ABCG2: variants seen among roughly 807,000 people sequenced by gnomAD.
ABCG2 encodes the protein ATP binding cassette subfamily G member 2 (JR blood group).
Under a neutral mutation model 73.5 loss-of-function variants are expected in ABCG2, and 80 were observed. The ratio of observed to expected loss-of-function variants is 1.09; its 90% CI spans 0.91 to 1.31. The LOEUF is 1.31. Among genes scored for constraint, ABCG2 ranks in the 50% most tolerant of loss-of-function variants. The pLI is 0.00. For missense variants in ABCG2, 796 were observed against 786.2 expected, an observed-to-expected ratio of 1.01 and a Z score of -0.15; for synonymous variants, 269 against 282.4, an observed-to-expected ratio of 0.95 and a Z score of 0.48.
At chr4:88,119,214 C>A (rs913355128) in intron 6 of ABCG2, among the ~76,000 whole-genome samples, 2 of 152,208 alleles carry the variant, frequency 1.3e-5, no homozygotes, top group East Asian at 3.8e-4. Context: ...GCCTTTTCTT[C>A]TTTGCCTTCC....
In ABCG2 at chr4:88,113,315, G is replaced by A; in HGVS notation, c.1182C>T (p.Ala394=). The A allele has an allele frequency of 1.2e-6, 2 of 1,614,070 alleles. No individual in the cohort carries two copies. Among genetic ancestry groups the A allele is most frequent in the Non-Finnish European group, 1.7e-6 (2 of 1,180,002 alleles). ...SFKNLLGNPQ[A]SIAQIIVTVV... is the part of the protein sequence containing the mutation. The stretch of plus-strand genomic sequence containing the variant: ...ATCTGCTGGTTACCTGAGCTATAGA[G>A]GCCTGGGGATTACCCAGCAAGTTTT... The change falls in exon 9 of 16, where the codon GCC becomes GCT. Residue 394 remains alanine (A), a synonymous_variant. Coordinates refer to ENST00000237612, the MANE Select transcript of ABCG2 (RefSeq NM_004827.3).
chr4:88,146,909 AGG>A, intron 1 of ABCG2, among the ~76,000 whole-genome samples: 1 of 134,192 alleles, frequency 7.5e-6, no homozygotes, highest in South Asian at 3.0e-4. Context: ...GAAGGAAGGA[AGG>A]AAGGAAGGAA....
chr4:88,111,399 G>A (rs934909086), intron 9 of ABCG2, among the ~76,000 whole-genome samples: 4 of 152,008 alleles, frequency 2.6e-5, no homozygotes, highest in African/African-American at 4.8e-5. Context: ...CAAATTATAC[G>A]TACCAAAAAC....
rs780882958 is a variant in ABCG2 at position 88,113,559 on chromosome 4, C to T, written c.944-6G>A. The T allele has an allele frequency of 1.2e-6, 2 of 1,606,794 alleles. No homozygotes were observed. Among genetic ancestry groups the T allele is most frequent in the Middle Eastern group, 1.7e-4 (1 of 6,030 alleles). On this transcript the variant is annotated splice_polypyrimidine_tract_variant and splice_region_variant and intron_variant, in intron 8 of 15. Coordinates refer to ENST00000237612, the MANE Select transcript of ABCG2 (RefSeq NM_004827.3). ...AGGCTCTATGATCTCTGTGGCTTTG[C>T]AATCAGTGGATAAAAAGGAAACACA... is the stretch of plus-strand genomic sequence containing the variant.
At chr4:88,166,026 G>A (rs918034481) in intron 1 of ABCG2, among the ~76,000 whole-genome samples, 2 of 152,160 alleles carry the variant, frequency 1.3e-5, no homozygotes, top group African/African-American at 2.4e-5. Context: ...TCACCACAAG[G>A]CCCCAAGGAA....
At chr4:88,207,629 C>T (rs994654454) in intron 1 of ABCG2, among the ~76,000 whole-genome samples, 2 of 152,170 alleles carry the variant, frequency 1.3e-5, no homozygotes, top group East Asian at 1.9e-4. Flanking sequence ...ACTGCAGCCT[C>T]GAACTCCTGC....
intron 9 of ABCG2, among the ~76,000 whole-genome samples, chr4:88,109,472 T>C (rs1722986227): frequency 6.6e-6 from 1 of 152,204 alleles, no homozygotes; most frequent in Admixed American, 6.5e-5. Context: ...CCCGTAACCT[T>C]GGCATGCTTT....
chr4:88,115,256 C>CTCTCTCTCTCTCTCTCTCTCTCTATATA lies in ABCG2; in HGVS notation c.842-199_842-198insTATATAGAGAGAGAGAGAGAGAGAGAGA, dbSNP rs1309360818. On this transcript the variant is annotated intron_variant, in intron 7 of 15. Coordinates refer to ENST00000237612, the MANE Select transcript of ABCG2 (RefSeq NM_004827.3). ...AGTCTCTCTCTCTCTCTCTCTCTCT[C>CTCTCTCTCTCTCTCTCTCTCTCTATATA]TATATATATATATATATATATATAT... Among the ~76,000 whole-genome samples, 101 of 69,790 alleles carry CTCTCTCTCTCTCTCTCTCTCTCTATATA rather than the reference C, an allele frequency of 1.4e-3. 1 individual carries two copies. Among genetic ancestry groups the CTCTCTCTCTCTCTCTCTCTCTCTATATA allele is most frequent in the African/African-American group, 2.8e-3 (50 of 17,704 alleles). 45.8% of individuals were successfully genotyped at this position (69,790 alleles called of 152,430 possible). A position where few individuals can be genotyped will look rare whatever the true frequency, so the allele number is the denominator to read the frequency against.
At chr4:88,217,682 G>C (rs1377090444) in intron 1 of ABCG2, among the ~76,000 whole-genome samples, 1 of 151,844 alleles carries the variant, frequency 6.6e-6, no homozygotes. Flanking sequence ...AAGAATGCAT[G>C]GATGCATGGG....
rs371725863 is a variant in ABCG2, at chr4:88,191,208, C to T, written c.-20+39786G>A. ...GCACTGGCGCGATTTTGGCTCACTGCGTGCAGTGCTCCAAGATCGCGCCAG... is the reference window on the plus strand; with the variant it reads ...GCACTGGCGCGATTTTGGCTCACTGTGTGCAGTGCTCCAAGATCGCGCCAG... On this transcript the variant is annotated intron_variant, in intron 1 of 15. Transcript: ENST00000515655. 9.6e-5 allele frequency among the ~76,000 whole-genome samples: 13 copies of T among 135,472 alleles called. No homozygotes were observed. The East Asian group carries it at 3.5e-3, about 37-fold the overall frequency. The allele number at this position is 135,472 out of a possible 152,430, so 88.9% of individuals were successfully genotyped here.
intron 1 of ABCG2, among the ~76,000 whole-genome samples, chr4:88,151,918 A>G (rs533638634): frequency 2.2e-4 from 34 of 152,254 alleles, no homozygotes; most frequent in African/African-American, 7.9e-4. Context: ...ATTGCAAGGG[A>G]TCCTCTCTCT....
chr4:88,131,514 G>A (rs1724874580), intron 4 of ABCG2, among the ~76,000 whole-genome samples: 1 of 152,148 alleles, frequency 6.6e-6, no homozygotes, highest in South Asian at 2.1e-4. Flanking sequence ...TTCTAAGCTA[G>A]GGGAAAAGAA....
chr4:88,221,142 A>C (rs1302441104), intron 1 of ABCG2, among the ~76,000 whole-genome samples: 2 of 152,056 alleles, frequency 1.3e-5, no homozygotes, highest in African/African-American at 4.8e-5. Context: ...GTTAGTGTGG[A>C]CCTGTAATCC....
Position 88,130,995 on chromosome 4 carries a change from C to T in ABCG2, c.531+66G>A, listed in dbSNP as rs1724820155. On this transcript the variant is annotated intron_variant, in intron 5 of 15. Transcript: ENST00000237612. ...TTACAGGAAACTTCTGAATCAGAGT[C>T]ATTTTATCCACACAGGGAAAGTCCT... The T allele has an allele frequency of 4.5e-6, 7 of 1,559,348 alleles. No individual in the cohort carries two copies. In the South Asian group the frequency reaches 8.3e-5, roughly 18 times the overall value.
intron 12 of ABCG2, among the ~76,000 whole-genome samples, chr4:88,098,700 CATAG>C (rs1272809675): frequency 9.7e-6 from 1 of 103,104 alleles, no homozygotes; most frequent in East Asian, 3.1e-4. Flanking sequence ...AGATAGAAAA[CATAG>C]ATAGGCTATA....
intron 1 of ABCG2, among the ~76,000 whole-genome samples, chr4:88,216,926 G>A (rs772333335): frequency 6.6e-6 from 1 of 151,932 alleles, no homozygotes; most frequent in Non-Finnish European, 1.5e-5. Flanking sequence ...AGCTACTCGG[G>A]AGGCTGAGGC....
At chr4:88,125,247 G>A (rs1444687321) in intron 5 of ABCG2, among the ~76,000 whole-genome samples, 10 of 151,016 alleles carry the variant, frequency 6.6e-5, no homozygotes, top group East Asian at 2.0e-4. Flanking sequence ...AGCCAAGATC[G>A]CGCCACTGCA....
intron 1 of ABCG2, 107 bp from the exon 2 acceptor site, chr4:88,140,121 A>C: frequency 1.1e-6 from 1 of 913,992 alleles, no homozygotes; most frequent in African/African-American, 1.7e-5. Flanking sequence ...TGCGGCAATG[A>C]GCAGCTTCAT....
At chr4:88,213,056 C>T (rs951532028) in intron 1 of ABCG2, among the ~76,000 whole-genome samples, 37 of 152,170 alleles carry the variant, frequency 2.4e-4, no homozygotes, top group Admixed American at 1.6e-3. Context: ...TGAATGCCAC[C>T]GCACCCAGCT....
Sources: gnomAD v4.1 joint callset for allele counts (sites outside exome capture counted in the v4.1 genomes callset) on GRCh38, gnomAD v4.1.1 for gene constraint, MANE v1.5 for transcripts, NCBI Gene and HGNC (gene_info 2026-07-23, HGNC 2026-07-21) for gene names.